Variants in KCTD1 observed in about 807,000 individuals in gnomAD.
KCTD1 encodes the protein potassium channel tetramerization domain containing 1.
KCTD1 carries 24 observed loss-of-function variants against 66.0 expected under a neutral mutation model. That is an observed-to-expected ratio of 0.36 (90% confidence interval 0.26 to 0.51). The LOEUF is 0.51. Ranked by LOEUF, KCTD1 falls within the 20% of genes least tolerant of loss-of-function variation. The pLI, the probability that KCTD1 is intolerant of heterozygous loss-of-function variation, is 0.95. For synonymous variants in KCTD1, 511 were observed against 517.2 expected, an observed-to-expected ratio of 0.99 and a Z score of 0.16; for missense variants, 943 against 1,205.2, an observed-to-expected ratio of 0.78 and a Z score of 3.22.
intron 1 of KCTD1, among the ~76,000 whole-genome samples, chr18:26,538,878 T>A (rs1984838603): frequency 6.6e-6 from 1 of 152,092 alleles, no homozygotes; most frequent in Non-Finnish European, 1.5e-5. Context: ...TCAAATGAGG[T>A]TGCTCCAAAT....
intron 1 of KCTD1, among the ~76,000 whole-genome samples, chr18:26,656,830 G>T (rs1188928456): frequency 2.0e-5 from 3 of 149,982 alleles, no homozygotes; most frequent in African/African-American, 7.3e-5. Flanking sequence ...GCTCTCGGCG[G>T]GGCCGGTTTG....
At chr18:26,629,019 TAC>T (rs1598974539) in intron 1 of KCTD1, 1 of 215,712 alleles carries the variant, frequency 4.6e-6, no homozygotes, top group African/African-American at 2.3e-5. Context: ...GAGAGATTTT[TAC>T]AGTCTCAGGG....
rs1598935327 is a variant in KCTD1, at chr18:26,548,453, A to C, written c.84T>G (p.Asn28Lys). Reference sequence around the variant, plus strand: ...CGCGCTCGCCCTCGCCCCGCTCCCCATTGTTCTCGGCGGCGGCGGCGGCAG... The same window carrying C: ...CGCGCTCGCCCTCGCCCCGCTCCCCCTTGTTCTCGGCGGCGGCGGCGGCAG... ...ASAAAAAAENNGERGEGERGA... is the reference protein window; with the variant it reads ...ASAAAAAAENKGERGEGERGA... Residue 28 changes from asparagine to lysine, a missense_variant, in exon 1 of 5, where the codon AAT (asparagine) becomes AAG (lysine). Coordinates refer to ENST00000580059, the MANE Select transcript of KCTD1 (RefSeq NM_001142730.3). 2.3e-6 allele frequency: 3 copies of C among 1,283,548 alleles called. No individual in the cohort carries two copies. Among genetic ancestry groups the C allele is most frequent in the Non-Finnish European group, 2.0e-6 (2 of 1,025,170 alleles). The allele number at this position is 1,283,548 out of a possible 1,614,324, so 79.5% of individuals were successfully genotyped here.
At chr18:26,527,656 T>C (rs1275040920) in intron 1 of KCTD1, among the ~76,000 whole-genome samples, 1 of 152,136 alleles carries the variant, frequency 6.6e-6, no homozygotes, top group African/African-American at 2.4e-5. Flanking sequence ...AGTATGGACC[T>C]TGAGTGATAA....
intron 1 of KCTD1, among the ~76,000 whole-genome samples, chr18:26,588,467 CTG>C (rs1260599433): frequency 6.6e-6 from 1 of 152,176 alleles, no homozygotes; most frequent in Non-Finnish European, 1.5e-5. Context: ...AATTTGTACT[CTG>C]TGGAAAATAG....
intron 1 of KCTD1, among the ~76,000 whole-genome samples, chr18:26,505,344 G>C (rs1429909928): frequency 1.3e-5 from 2 of 152,248 alleles, no homozygotes; most frequent in African/African-American, 4.8e-5. Flanking sequence ...GAGTGCAAGG[G>C]ACTTGGATGT....
chr18:26,539,236 C>T (rs149535631), intron 1 of KCTD1, among the ~76,000 whole-genome samples: 423 of 152,326 alleles, frequency 2.8e-3, no homozygotes, highest in Non-Finnish European at 4.8e-3. Flanking sequence ...GAATCAACAT[C>T]TATGACCCTT....
intron 1 of KCTD1, among the ~76,000 whole-genome samples, chr18:26,532,245 T>A: frequency 6.7e-6 from 1 of 148,618 alleles, no homozygotes. Flanking sequence ...TCTTTTTCTT[T>A]TTCTTTTCTT....
At chr18:26,611,788 A>T (rs1448338239) in intron 1 of KCTD1, among the ~76,000 whole-genome samples, 1 of 152,194 alleles carries the variant, frequency 6.6e-6, no homozygotes, top group Admixed American at 6.5e-5. Flanking sequence ...TGGATGCCAG[A>T]CATTGTGAAT....
chr18:26,626,470 ATTTTT>A (rs71169868), intron 1 of KCTD1, among the ~76,000 whole-genome samples: 192 of 108,188 alleles, frequency 1.8e-3, no homozygotes, highest in African/African-American at 5.9e-3. Context: ...TGAGGAGGTG[ATTTTT>A]TTTTTTTTTT....
At chr18:26,588,686 AAG>A (rs1197722319) in intron 1 of KCTD1, among the ~76,000 whole-genome samples, 3 of 152,102 alleles carry the variant, frequency 2.0e-5, no homozygotes, top group Non-Finnish European at 4.4e-5. Context: ...CAGTACAGAG[AAG>A]GAGGCGCCAA....
At chr18:26,555,780 A>G (rs1985692992) in intron 1 of KCTD1, among the ~76,000 whole-genome samples, 1 of 152,240 alleles carries the variant, frequency 6.6e-6, no homozygotes, top group South Asian at 2.1e-4. Context: ...AATGTTCTAT[A>G]GCAATGTCAG....
intron 3 of KCTD1, among the ~76,000 whole-genome samples, chr18:26,475,598 C>T (rs1485372038): frequency 1.3e-5 from 2 of 152,180 alleles, no homozygotes; most frequent in African/African-American, 2.4e-5. Flanking sequence ...TGCCTGTAAT[C>T]CCAGCACTTT....
intron 1 of KCTD1, among the ~76,000 whole-genome samples, chr18:26,611,539 C>G (rs9963955): frequency 6.6e-6 from 1 of 152,010 alleles, no homozygotes; most frequent in African/African-American, 2.4e-5. Flanking sequence ...TTAGTAGAGG[C>G]GGAGTTTCAC....
intron 3 of KCTD1, among the ~76,000 whole-genome samples, chr18:26,461,758 TTTTTA>T (rs1980443020): frequency 6.6e-6 from 1 of 152,242 alleles, no homozygotes; most frequent in Non-Finnish European, 1.5e-5. Context: ...ATGCTATTGC[TTTTTA>T]TTTTCTTGTG....
At chr18:26,519,784 C>T (rs183900824) in intron 1 of KCTD1, among the ~76,000 whole-genome samples, 7 of 152,206 alleles carry the variant, frequency 4.6e-5, no homozygotes, top group African/African-American at 7.2e-5. Context: ...AAGAGAAAGA[C>T]GGGAGGAGGT....
At chr18:26,560,927 C>G (rs1408920283) in intron 1 of KCTD1, among the ~76,000 whole-genome samples, 2 of 152,128 alleles carry the variant, frequency 1.3e-5, no homozygotes, top group East Asian at 3.8e-4. Context: ...TAGAAATGGG[C>G]TGCACACAAA....
intron 1 of KCTD1, among the ~76,000 whole-genome samples, chr18:26,534,378 T>A (rs1236582321): frequency 6.6e-6 from 1 of 152,138 alleles, no homozygotes; most frequent in Non-Finnish European, 1.5e-5. Context: ...TAGTTTTTAT[T>A]ATTTGTCTCT....
chr18:26,523,213 T>G (rs1359088957), intron 1 of KCTD1, among the ~76,000 whole-genome samples: 2 of 152,130 alleles, frequency 1.3e-5, no homozygotes, highest in Non-Finnish European at 2.9e-5. Context: ...TAAACAGGCT[T>G]CTTTATATAG....
Sources: gnomAD v4.1 joint callset for allele counts (sites outside exome capture counted in the v4.1 genomes callset) on GRCh38, gnomAD v4.1.1 for gene constraint, MANE v1.5 for transcripts, NCBI Gene and HGNC (gene_info 2026-07-23, HGNC 2026-07-21) for gene names.